The following CACNA1G variants were observed in gnomAD, a reference collection of about 807,000 sequenced individuals.
CACNA1G encodes voltage-dependent T-type calcium channel subunit alpha-1G.
Under a neutral mutation model 219.4 loss-of-function variants are expected in CACNA1G, and 67 were observed. The ratio of observed to expected loss-of-function variants is 0.31; its 90% confidence interval spans 0.25 to 0.37. The LOEUF (loss-of-function observed/expected upper bound fraction) is 0.37, where lower values mean the gene tolerates loss of function less well. CACNA1G is among the 10% of genes least tolerant of loss of function. The pLI, the probability that CACNA1G is intolerant of heterozygous loss-of-function variation, is 1.00. For missense variants in CACNA1G, 2,380 were observed against 3,231.4 expected (o/e 0.74, Z 6.39); for synonymous variants, 1,296 against 1,345.3 (o/e 0.96, Z 0.80).
rs572171140 is a variant in CACNA1G, at chr17:50,571,467, G to A, written c.587-411G>A. Among the ~76,000 whole-genome samples the A allele has an allele frequency of 2.0e-5, 3 of 152,252 alleles. No individual in the cohort carries two copies. The highest frequency in any genetic ancestry group is 6.5e-5 in the Admixed American group (1 of 15,302). The stretch of plus-strand genomic sequence containing the variant: ...GTGGGTGTGTGTTGGAGAGGGATTC[G>A]GAAGCCAAAGCCTGGGTTCGAGTTC... On this transcript the variant is annotated intron_variant, in intron 4 of 37. Transcript: ENST00000359106. The surrounding 1 kb of genome is among the most constrained non-coding windows in gnomAD (Gnocchi z 4.3).
Position 50,578,349 on chromosome 17 carries a change from T to C in CACNA1G, c.2086T>C (p.Phe696Leu). ...PDSDSEAVYE[F>L]TQDAQHSDLR... The stretch of plus-strand genomic sequence containing the variant: ...CTCAGACAGCGAGGCAGTTTATGAG[T>C]TCACACAGGATGCCCAGCACAGCGA... The change falls in exon 9 of 38, where the codon TTC becomes CTC. Residue 696 changes from phenylalanine (F) to leucine (L), a missense_variant. Phe to Leu is a conservative substitution (Grantham distance 22). Coordinates refer to ENST00000359106, the MANE Select transcript of CACNA1G (RefSeq NM_018896.5). This position sits in a 1 kb window ranked among gnomAD's most constrained non-coding sequence, Gnocchi z 4.5. 1 of 1,612,642 alleles carries C rather than the reference T, an allele frequency of 6.2e-7. No homozygotes were observed. Among genetic ancestry groups the C allele is most frequent in the African/African-American group, 1.3e-5 (1 of 74,784 alleles).
chr17:50,621,355 G>C lies in CACNA1G; in HGVS notation c.5926-305G>C, dbSNP rs2051959147. On this transcript the variant is annotated intron_variant, in intron 34 of 37. Transcript: ENST00000359106. The surrounding 1 kb of genome is among the most constrained non-coding windows in gnomAD (Gnocchi z 4.6). The stretch of plus-strand genomic sequence containing the variant: ...GGGTGGTGGTAGTGTGGGAGGGGCT[G>C]GGGAGGCTCCTGGGGTATCTTTAGA... 1.3e-5 allele frequency among the ~76,000 whole-genome samples: 2 copies of C among 152,022 alleles called. No individual in the cohort carries two copies. Among genetic ancestry groups the C allele is most frequent in the Non-Finnish European group, 2.9e-5 (2 of 67,976 alleles).
chr17:50,613,416 C>G (rs776647064), intron 26 of CACNA1G, among the ~76,000 whole-genome samples: 17 of 152,142 alleles, frequency 1.1e-4, no homozygotes, highest in Non-Finnish European at 1.9e-4. Flanking sequence ...TCCTCCTGCC[C>G]CGCCTTCCTT....
rs67152102 is a variant in CACNA1G, at chr17:50,564,125, A to AGTGT, written c.242+2459_242+2462dup. ...AGAGGAGATCTAGACCCAGGTAGGAAGTGTGTGTGTGTGTGTGTGTGTGTG... is the reference window on the plus strand; with the variant it reads ...AGAGGAGATCTAGACCCAGGTAGGAAGTGTGTGTGTGTGTGTGTGTGTGTGTGTG... On this transcript the variant is annotated intron_variant, in intron 1 of 37. Transcript: ENST00000359106. Among the ~76,000 whole-genome samples, 1,098 of 138,692 alleles carry AGTGT rather than the reference A, an allele frequency of 7.9e-3. 7 individuals are homozygous for AGTGT. The highest frequency in any genetic ancestry group is 0.012 in the African/African-American group (396 of 34,292). The allele number at this position is 138,692 out of a possible 152,430, so 91.0% of individuals were successfully genotyped here.
chr17:50,576,940 G>T (rs558542047), intron 8 of CACNA1G, among the ~76,000 whole-genome samples: 4 of 152,348 alleles, frequency 2.6e-5, no homozygotes, highest in Admixed American at 1.3e-4. Context: ...TCCCAGTGTC[G>T]TGGGGGCAGT....
chr17:50,615,225 G>A (rs1236217944), intron 26 of CACNA1G, 136 bp from the exon 27 acceptor site: 10 of 859,124 alleles, frequency 1.2e-5, no homozygotes, highest in Middle Eastern at 3.7e-4. Context: ...GGCAGCGTGG[G>A]GAGGGCGAGG....
intron 27 of CACNA1G, among the ~76,000 whole-genome samples, chr17:50,615,891 G>T (rs934715789): frequency 2.6e-5 from 4 of 152,178 alleles, no homozygotes; most frequent in Admixed American, 2.0e-4. Flanking sequence ...CTGTGACCTT[G>T]CCACTTCTCC....
intron 7 of CACNA1G, chr17:50,573,706 T>G (rs1306234212): frequency 6.6e-6 from 1 of 152,332 alleles, no homozygotes; most frequent in Non-Finnish European, 1.5e-5. Flanking sequence ...TGTTAAATGC[T>G]GCCTGATCTC....
At chr17:50,577,272 T>C (rs2040887165) in intron 8 of CACNA1G, among the ~76,000 whole-genome samples, 1 of 152,022 alleles carries the variant, frequency 6.6e-6, no homozygotes, top group Admixed American at 6.5e-5. Context: ...TGTGTGCAGA[T>C]GCAGTCAAGG....
chr17:50,623,745 C>T (rs1196287047), intron 35 of CACNA1G, among the ~76,000 whole-genome samples, 162 bp from the exon 36 acceptor site: 2 of 152,170 alleles, frequency 1.3e-5, no homozygotes, highest in African/African-American at 4.8e-5. Flanking sequence ...GTGTCTGCCC[C>T]TCTCCCCAGC....
Position 50,578,285 on chromosome 17 carries a change from G to A in CACNA1G, c.2022G>A (p.Gly674=), listed in dbSNP as rs745458021. The change falls in exon 9 of 38, where the codon GGG becomes GGA. Residue 674 remains glycine, a synonymous_variant. Transcript: ENST00000359106. This position sits in a 1 kb window ranked among gnomAD's most constrained non-coding sequence, Gnocchi z 4.5. ...PDSCPYCARA[G]AGEVELADRE... ...GCTGCCCCTACTGTGCCCGGGCCGG[G>A]GCAGGGGAGGTGGAGCTCGCCGACC... 11 of 1,613,048 alleles carry A rather than the reference G, an allele frequency of 6.8e-6. No individual in the cohort carries two copies. In the South Asian group the frequency reaches 1.2e-4, roughly 18 times the overall value.
intron 5 of CACNA1G, among the ~76,000 whole-genome samples, chr17:50,572,328 A>G (rs1347868157): frequency 6.6e-6 from 1 of 152,100 alleles, no homozygotes; most frequent in East Asian, 1.9e-4. Flanking sequence ...GAAAATCACT[A>G]TTCCAGGATG....
chr17:50,624,324 T>TGCCCCCCCCCCCGCCCCCCCGGCCCCC, intron 36 of CACNA1G, 36 bp from the exon 37 acceptor site: 1 of 1,177,664 alleles, frequency 8.5e-7, no homozygotes, highest in Non-Finnish European at 1.2e-6. Context: ...CTCCATTCTC[T>TGCCCCCCCCCCCGCCCCCCCGGCCCCC]CCCCCCACCC....
At position 50,615,761 on chromosome 17, in the gene CACNA1G, T is replaced by C. The variant is rs9912726; in HGVS notation, c.4911+249T>C. 0.83 allele frequency among the ~76,000 whole-genome samples: 126,803 copies of C among 152,264 alleles called. 53,304 individuals are homozygous for C. The highest frequency in any genetic ancestry group is 0.99 in the East Asian group (5,117 of 5,184). On this transcript the variant is annotated intron_variant, in intron 27 of 37. Coordinates refer to ENST00000359106, the MANE Select transcript of CACNA1G (RefSeq NM_018896.5). ...GGGAGTGGAGGACCTGGTTTCTTCA[T>C]CCAGCAAATGTTGAGCGTCTACTAT...
chr17:50,577,726 G>A (rs1392584302), intron 8 of CACNA1G, among the ~76,000 whole-genome samples: 3 of 151,956 alleles, frequency 2.0e-5, no homozygotes, highest in Non-Finnish European at 4.4e-5. Context: ...ATGTGTACAC[G>A]AGTGTGCGCA....
chr17:50,601,536 G>C (rs908127898), intron 19 of CACNA1G, among the ~76,000 whole-genome samples: 1 of 152,216 alleles, frequency 6.6e-6, no homozygotes. Flanking sequence ...GGGCCTCGGG[G>C]GCATGCAGAG....
intron 14 of CACNA1G, among the ~76,000 whole-genome samples, chr17:50,595,678 T>C (rs779902084): frequency 1.2e-4 from 18 of 152,262 alleles, no homozygotes; most frequent in Non-Finnish European, 1.8e-4. Flanking sequence ...GGCCCCACGA[T>C]GAGCCTGTGC....
In CACNA1G at chr17:50,626,116, T is replaced by C. The variant is rs974117090; in HGVS notation, c.6499T>C (p.Tyr2167His). 10 of 1,613,632 alleles carry C rather than the reference T, an allele frequency of 6.2e-6. No individual in the cohort carries two copies. The Admixed American group carries it at 8.3e-5, about 13-fold the overall frequency. The change falls in exon 38 of 38, where the codon TAC (tyrosine) becomes CAC (histidine). Residue 2167 changes from tyrosine (Y) to histidine (H), a missense_variant. By Grantham distance (83) the Tyr-to-His change is moderately conservative. Coordinates refer to ENST00000359106, the MANE Select transcript of CACNA1G (RefSeq NM_018896.5). The surrounding 1 kb of genome is among the most constrained non-coding windows in gnomAD (Gnocchi z 4.3). The part of the protein sequence containing the change: ...SGPSPPLARA[Y>H]SFWGQSSTQA... Reference sequence around the variant, plus strand: ...GCCCTCCCCGCCCCTGGCCCGGGCCTACTCTTTCTGGGGCCAGTCAAGTAC... The same window carrying C: ...GCCCTCCCCGCCCCTGGCCCGGGCCCACTCTTTCTGGGGCCAGTCAAGTAC...
At chr17:50,586,078 G>A (rs141263815) in intron 9 of CACNA1G, among the ~76,000 whole-genome samples, 3 of 152,302 alleles carry the variant, frequency 2.0e-5, no homozygotes, top group Non-Finnish European at 4.4e-5. Flanking sequence ...GCACATCACT[G>A]TCTGCCAGAG....
Sources: gnomAD v4.1 joint callset for allele counts (sites outside exome capture counted in the v4.1 genomes callset) on GRCh38, gnomAD v4.1.1 for gene constraint, Gnocchi (gnomAD v3.1) non-coding constraint, MANE v1.5 for transcripts, NCBI Gene and HGNC (gene_info 2026-07-23, HGNC 2026-07-21) for gene names.